The following CTNNA2 variants were observed in gnomAD, a reference collection of about 807,000 sequenced individuals.
The protein encoded by CTNNA2 is catenin alpha-2.
Under a neutral mutation model 101.0 loss-of-function variants are expected in CTNNA2, and 42 were observed. That is an observed-to-expected ratio of 0.42 (90% CI 0.32 to 0.54). The LOEUF (loss-of-function observed/expected upper bound fraction) is 0.54, where lower values mean the gene tolerates loss of function less well. Among genes scored for constraint, CTNNA2 ranks in the 20% least tolerant of loss-of-function variants. The pLI, the probability that CTNNA2 is intolerant of heterozygous loss-of-function variation, is 0.14. For missense variants in CTNNA2, 871 were observed against 1,223.1 expected (o/e 0.71, Z 4.29); for synonymous variants, 450 against 456.4 (o/e 0.99, Z 0.18).
rs1688444648 is a variant in CTNNA2, at chr2:79,945,687, T to C, written c.1056+35890T>C. Among the ~76,000 whole-genome samples the C allele has an allele frequency of 2.0e-5, 3 of 152,310 alleles. No homozygotes were observed. In the East Asian group the frequency reaches 5.8e-4, roughly 29 times the overall value. ...TTCTGTATCTGCCATATGTCAAATA[T>C]CATGCTTAGTCCTGGAGATGAATAG... On this transcript the variant is annotated intron_variant, in intron 7 of 18. Transcript: ENST00000402739.
chr2:79,226,832 G>A (rs948898727), intron 2 of CTNNA2, among the ~76,000 whole-genome samples: 1 of 152,084 alleles, frequency 6.6e-6, no homozygotes, highest in African/African-American at 2.4e-5. Context: ...GAGCTCATGG[G>A]GATGTTTCTG....
rs879570673 is a variant in CTNNA2 at position 80,539,758 on chromosome 2, T to C, written c.1291-5224T>C. Among the ~76,000 whole-genome samples, 84 of 152,178 alleles carry C rather than the reference T, an allele frequency of 5.5e-4. 2 individuals are homozygous for C. Among genetic ancestry groups the C allele is most frequent in the Non-Finnish European group, 1.8e-4 (12 of 68,034 alleles). On this transcript the variant is annotated intron_variant, in intron 9 of 18. Transcript: ENST00000402739. ...CTTTCCTTTCTAACAGATTGGTAGGTATTTAGTACAATTAGATCACCAACG... is the reference window on the plus strand; with the variant it reads ...CTTTCCTTTCTAACAGATTGGTAGGCATTTAGTACAATTAGATCACCAACG...
intron 4 of CTNNA2, among the ~76,000 whole-genome samples, chr2:79,465,498 T>G (rs962055252): frequency 6.6e-6 from 1 of 152,146 alleles, no homozygotes; most frequent in African/African-American, 2.4e-5. Flanking sequence ...ATTTAAAGTA[T>G]TTTTTTCCAA....
chr2:79,645,042 G>A (rs140545829), intron 1 of CTNNA2, among the ~76,000 whole-genome samples: 1,749 of 152,168 alleles, frequency 0.011, 48 homozygotes, highest in African/African-American at 0.039. Context: ...GAGTGCAATG[G>A]CATGATCTCG....
At chr2:80,005,531 G>A (rs1407613044) in intron 7 of CTNNA2, among the ~76,000 whole-genome samples, 1 of 152,174 alleles carries the variant, frequency 6.6e-6, no homozygotes, top group Non-Finnish European at 1.5e-5. Flanking sequence ...TGCTATGGTA[G>A]AAATCTTGGT....
At chr2:80,200,519 AGTTT>A (rs112399723) in intron 7 of CTNNA2, among the ~76,000 whole-genome samples, 29,865 of 150,950 alleles carry the variant, frequency 0.2, 4,157 homozygotes, top group African/African-American at 0.39. Context: ...TATTAAAGTG[AGTTT>A]GTTTGTTTGT....
At chr2:80,189,003 A>G (rs1483570652) in intron 7 of CTNNA2, among the ~76,000 whole-genome samples, 4 of 124,450 alleles carry the variant, frequency 3.2e-5, no homozygotes, top group Non-Finnish European at 6.2e-5. Flanking sequence ...ACCAGACTGG[A>G]GTACAGTGGC....
chr2:79,579,191 TCTTC>T (rs1330113133), intron 1 of CTNNA2, among the ~76,000 whole-genome samples: 6 of 146,222 alleles, frequency 4.1e-5, no homozygotes, highest in Admixed American at 1.4e-4. Context: ...TTCCTTCCTT[TCTTC>T]CTTCCTTCCT....
rs1384319188 is a variant in CTNNA2 at position 79,239,367 on chromosome 2, A to G, written c.-406+41291A>G. On this transcript the variant is annotated intron_variant, in intron 2 of 21. Coordinates refer to the CTNNA2 transcript ENST00000466387. ...CTGACAAAAACAAGCAGTAGGGAAA[A>G]GATTTCGTATTTAATAAATGGTACT... Among the ~76,000 whole-genome samples, 3 of 152,142 alleles carry G rather than the reference A, an allele frequency of 2.0e-5. No homozygotes were observed. The East Asian group carries it at 5.8e-4, about 29-fold the overall frequency.
intron 1 of CTNNA2, among the ~76,000 whole-genome samples, chr2:79,630,270 A>G (rs374442851): frequency 6.6e-6 from 1 of 152,174 alleles, no homozygotes; most frequent in East Asian, 1.9e-4. Context: ...TGAGTCACAG[A>G]TTTCCTAACT....
chr2:79,226,613 C>T (rs1031378149), intron 2 of CTNNA2, among the ~76,000 whole-genome samples: 3 of 152,132 alleles, frequency 2.0e-5, no homozygotes, highest in African/African-American at 4.8e-5. Flanking sequence ...TTAAATGCAC[C>T]TCAATCAATA....
chr2:79,798,951 G>T (rs1675936320), intron 3 of CTNNA2, among the ~76,000 whole-genome samples: 1 of 152,118 alleles, frequency 6.6e-6, no homozygotes, highest in African/African-American at 2.4e-5. Context: ...TACGCATCTG[G>T]CATTAAAAAC....
intron 2 of CTNNA2, among the ~76,000 whole-genome samples, chr2:79,294,233 GA>G (rs1675912234): frequency 1.3e-5 from 2 of 151,136 alleles, no homozygotes; most frequent in East Asian, 1.9e-4. Flanking sequence ...AGAAGAAGAA[GA>G]AGAAGAGGAG....
At chr2:80,005,461 A>G (rs1693269625) in intron 7 of CTNNA2, among the ~76,000 whole-genome samples, 1 of 152,166 alleles carries the variant, frequency 6.6e-6, no homozygotes, top group African/African-American at 2.4e-5. Context: ...AAGGGGAAAA[A>G]AACTTTTAGA....
chr2:80,004,908 G>A (rs10195985), intron 7 of CTNNA2, among the ~76,000 whole-genome samples: 1 of 152,058 alleles, frequency 6.6e-6, no homozygotes, highest in African/African-American at 2.4e-5. Flanking sequence ...TCACCATGTT[G>A]GCCAGGCTGG....
At chr2:80,643,788 G>C (rs1287320727) in intron 18 of CTNNA2, among the ~76,000 whole-genome samples, 4 of 152,120 alleles carry the variant, frequency 2.6e-5, no homozygotes, top group Non-Finnish European at 5.9e-5. Context: ...TCAGTTTCCA[G>C]TGTCTATTTA....
At chr2:80,141,267 T>A (rs1458502959) in intron 7 of CTNNA2, among the ~76,000 whole-genome samples, 4 of 151,912 alleles carry the variant, frequency 2.6e-5, no homozygotes, top group African/African-American at 9.7e-5. Flanking sequence ...TATTAGTCTT[T>A]GTCTCGCGGA....
chr2:80,035,380 A>C (rs1695581372), intron 7 of CTNNA2, among the ~76,000 whole-genome samples: 1 of 152,232 alleles, frequency 6.6e-6, no homozygotes, highest in Non-Finnish European at 1.5e-5. Context: ...AGATTAAATG[A>C]GAAAAATATT....
intron 4 of CTNNA2, among the ~76,000 whole-genome samples, chr2:79,414,518 A>G (rs1678454797): frequency 6.6e-6 from 1 of 152,144 alleles, no homozygotes; most frequent in Non-Finnish European, 1.5e-5. Flanking sequence ...AAAATTCTAT[A>G]GTATAGAAAA....
Sources: allele counts gnomAD v4.1 joint callset (sites outside exome capture counted in the v4.1 genomes callset), GRCh38; gene constraint gnomAD v4.1.1; transcripts MANE v1.5; gene names NCBI Gene and HGNC (gene_info 2026-07-23, HGNC 2026-07-21).